BAZ1A: variants seen among roughly 807,000 people sequenced by gnomAD.
BAZ1A encodes bromodomain adjacent to zinc finger domain protein 1A.
Under a neutral mutation model 185.2 loss-of-function variants are expected in BAZ1A, and 50 were observed. That is an observed-to-expected ratio of 0.27 (90% CI 0.22 to 0.34). BAZ1A has a LOEUF of 0.34. Ranked by LOEUF, BAZ1A falls within the 10% of genes least tolerant of loss-of-function variation. BAZ1A has a pLI of 1.00. For missense variants in BAZ1A, 1,356 were observed against 1,839.9 expected (o/e 0.74, Z 4.81); for synonymous variants, 571 against 615.6 (o/e 0.93, Z 1.07).
chr14:34,792,151 A>G (rs113424443), intron 12 of BAZ1A, among the ~76,000 whole-genome samples: 9,517 of 152,310 alleles, frequency 0.062, 397 homozygotes, highest in Non-Finnish European at 0.097. Context: ...TGGGAGGCCA[A>G]GGCGGGTGGA....
At chr14:34,792,155 G>A (rs1042072790) in intron 12 of BAZ1A, among the ~76,000 whole-genome samples, 2 of 152,154 alleles carry the variant, frequency 1.3e-5, no homozygotes, top group South Asian at 2.1e-4. Flanking sequence ...AGGCCAAGGC[G>A]GGTGGATCAC....
At chr14:34,755,671 A>G (rs547103934) in intron 25 of BAZ1A, among the ~76,000 whole-genome samples, 30 of 152,246 alleles carry the variant, frequency 2.0e-4, no homozygotes, top group Admixed American at 1.3e-3. Context: ...TACCATGATA[A>G]CTTCTATTCC....
At chr14:34,866,301 C>T (rs536355206) in intron 2 of BAZ1A, among the ~76,000 whole-genome samples, 21 of 151,216 alleles carry the variant, frequency 1.4e-4, no homozygotes, top group Admixed American at 9.9e-4. Context: ...CTGGGTGACA[C>T]GGCAAAACCC....
Position 34,771,552 on chromosome 14 carries a change from A to G in BAZ1A, c.3260T>C (p.Ile1087Thr). The G allele has an allele frequency of 6.2e-7, 1 of 1,614,098 alleles. No homozygotes were observed. Among genetic ancestry groups the G allele is most frequent in the Non-Finnish European group, 8.5e-7 (1 of 1,180,006 alleles). ...VHYLAMALFQIEQGIERRFLK... is the reference protein window; with the variant it reads ...VHYLAMALFQTEQGIERRFLK... ...AAAACGCCGCTCAATGCCCTGCTCT[A>G]TTTGAAAGAGTGCCATTGCCAGATA... is the stretch of plus-strand genomic sequence containing the variant. The change falls in exon 21 of 27, where the codon ATA becomes ACA. Residue 1087 changes from isoleucine (I) to threonine (T), a missense_variant. Ile to Thr is a moderately conservative substitution (Grantham distance 89). Coordinates refer to ENST00000360310, the MANE Select transcript of BAZ1A (RefSeq NM_013448.3).
At chr14:34,830,393 C>A (rs559636370) in intron 3 of BAZ1A, among the ~76,000 whole-genome samples, 4 of 151,916 alleles carry the variant, frequency 2.6e-5, no homozygotes, top group African/African-American at 7.2e-5. Flanking sequence ...ACACAAAAGA[C>A]CACCTATCAT....
At chr14:34,866,502 A>AAAAAGAAAAAAGAAAG in intron 2 of BAZ1A, among the ~76,000 whole-genome samples, 1 of 79,538 alleles carries the variant, frequency 1.3e-5, no homozygotes, top group Non-Finnish European at 2.8e-5. Flanking sequence ...AAAAAAAAAA[A>AAAAAGAAAAAAGAAAG]GAAAAAAGTT....
At chr14:34,859,189 C>A (rs955328387) in intron 3 of BAZ1A, among the ~76,000 whole-genome samples, 4 of 152,044 alleles carry the variant, frequency 2.6e-5, no homozygotes, top group Non-Finnish European at 4.4e-5. Flanking sequence ...CATCTATAAC[C>A]CTAGCACTTT....
At chr14:34,777,374 T>C (rs962652626) in intron 17 of BAZ1A, among the ~76,000 whole-genome samples, 1 of 152,234 alleles carries the variant, frequency 6.6e-6, no homozygotes, top group Non-Finnish European at 1.5e-5. Context: ...GCTGGCGCGG[T>C]GGCCCATGCC....
chr14:34,835,460 A>C (rs1346523400), intron 3 of BAZ1A, among the ~76,000 whole-genome samples: 1 of 151,448 alleles, frequency 6.6e-6, no homozygotes, highest in African/African-American at 2.4e-5. Flanking sequence ...CTAATTTTCC[A>C]CTCTATTATT....
chr14:34,818,760 T>G (rs761062354), intron 4 of BAZ1A, among the ~76,000 whole-genome samples: 2 of 152,164 alleles, frequency 1.3e-5, no homozygotes, highest in Non-Finnish European at 1.5e-5. Flanking sequence ...AGCCGTAAAG[T>G]GCTTCCTTTA....
chr14:34,801,130 C>G lies in BAZ1A; in HGVS notation c.925G>C (p.Asp309His), dbSNP rs1291203079. The G allele has an allele frequency of 1.2e-5, 20 of 1,603,216 alleles. No homozygotes were observed. Among genetic ancestry groups the G allele is most frequent in the Non-Finnish European group, 1.6e-5 (19 of 1,177,140 alleles). The change falls in exon 8 of 27, where the codon GAT becomes CAT. Residue 309 changes from aspartate to histidine, a missense_variant. By Grantham distance (81) the Asp-to-His change is moderately conservative (BLOSUM62 -1). This residue lies in a region of BAZ1A where 332 missense variants were observed against 395.3 expected (regional missense o/e 0.84). Coordinates refer to ENST00000360310, the MANE Select transcript of BAZ1A (RefSeq NM_013448.3). ...ATTTCTTCTTGTTTCAAAAGTTTAT[C>G]TCTTTCTTTAGTAGCTTTGCTCCTA... is the stretch of plus-strand genomic sequence containing the variant. Reference protein sequence around the residue: ...SYRSKATKERDKLLKQEEMKS... With the variant: ...SYRSKATKERHKLLKQEEMKS...
chr14:34,858,652 G>T (rs1393372709), intron 3 of BAZ1A, among the ~76,000 whole-genome samples: 1 of 151,788 alleles, frequency 6.6e-6, no homozygotes, highest in Non-Finnish European at 1.5e-5. Flanking sequence ...TGTTTTAAAA[G>T]TTGGGGCGAG....
In BAZ1A at chr14:34,867,461, G is replaced by T. The variant is rs58557555; in HGVS notation, c.114-5139C>A. ...TGGGATATTTCATGCCATGGCAGGG[G>T]GACAGCTAAACGCAGTGAAGTGCAA... On this transcript the variant is annotated intron_variant, in intron 2 of 26. Transcript: ENST00000360310. Among the ~76,000 whole-genome samples, 189 of 152,194 alleles carry T rather than the reference G, an allele frequency of 1.2e-3. 3 individuals are homozygous for T. The East Asian group carries it at 0.031, about 25-fold the overall frequency.
chr14:34,794,901 C>A lies in BAZ1A; in HGVS notation c.1225-14G>T. 1 of 1,606,858 alleles carries A rather than the reference C, an allele frequency of 6.2e-7. No individual in the cohort carries two copies. Among genetic ancestry groups the A allele is most frequent in the Non-Finnish European group, 8.5e-7 (1 of 1,178,128 alleles). On this transcript the variant is annotated splice_polypyrimidine_tract_variant and intron_variant, in intron 10 of 26. Coordinates refer to ENST00000360310, the MANE Select transcript of BAZ1A (RefSeq NM_013448.3). ...TTCTGGAAGTTCCTGAAATATTGAA[C>A]AATTTATATAACTATTTGAACCAAG...
chr14:34,866,842 T>C (rs1172953675), intron 2 of BAZ1A, among the ~76,000 whole-genome samples: 1 of 152,090 alleles, frequency 6.6e-6, no homozygotes, highest in Non-Finnish European at 1.5e-5. Flanking sequence ...ATTTTAAATT[T>C]TCTAGTGGTC....
chr14:34,873,862 G>T (rs1004750123), intron 2 of BAZ1A, among the ~76,000 whole-genome samples: 34 of 152,182 alleles, frequency 2.2e-4, no homozygotes, highest in Non-Finnish European at 4.4e-5. Flanking sequence ...GGGAGGCCGC[G>T]GACGGAGGCT....
chr14:34,780,653 A>T (rs1215212053), intron 16 of BAZ1A, among the ~76,000 whole-genome samples: 4 of 152,308 alleles, frequency 2.6e-5, no homozygotes, highest in African/African-American at 9.6e-5. Context: ...AACATACACA[A>T]TGGCACAGAG....
At position 34,854,968 on chromosome 14, in the gene BAZ1A, A is replaced by G. The variant is rs947381948; in HGVS notation, c.392+7076T>C. On this transcript the variant is annotated intron_variant, in intron 3 of 26. Transcript: ENST00000360310. ...GTGGTGCGGGCCTGTAATCTCAGCT[A>G]CTCAGGAGGCTGGGGCACAAGTATC... Among the ~76,000 whole-genome samples, 4 of 152,190 alleles carry G rather than the reference A, an allele frequency of 2.6e-5. No homozygotes were observed. In the South Asian group the frequency reaches 8.3e-4, roughly 32 times the overall value.
chr14:34,807,309 C>T (rs1210162144), intron 6 of BAZ1A, 142 bp downstream of exon 6: 1 of 505,118 alleles, frequency 2.0e-6, no homozygotes, highest in African/African-American at 2.0e-5. Flanking sequence ...CAATATTTTT[C>T]AGAAGTACTA....
Sources: gnomAD v4.1 joint callset for allele counts (sites outside exome capture counted in the v4.1 genomes callset) on GRCh38, gnomAD v4.1.1 for gene constraint, gnomAD v4.1.1 regional missense constraint, MANE v1.5 for transcripts, NCBI Gene and HGNC (gene_info 2026-07-23, HGNC 2026-07-21) for gene names.